Variants in CDH12 observed in about 807,000 individuals in gnomAD.
The protein encoded by CDH12 is cadherin 12.
CDH12 carries 41 observed loss-of-function variants against 74.1 expected under a neutral mutation model. That is an observed-to-expected ratio of 0.55 (90% CI 0.43 to 0.72). The LOEUF is 0.72. Among genes scored for constraint, CDH12 ranks in the 30% least tolerant of loss-of-function variants. CDH12 has a pLI of 0.00. For synonymous variants in CDH12, 399 were observed against 355.0 expected, an observed-to-expected ratio of 1.12 and a Z score of -1.39; for missense variants, 945 against 977.2, an observed-to-expected ratio of 0.97 and a Z score of 0.44.
chr5:22,549,353 T>G (rs1738466082), intron 1 of CDH12, among the ~76,000 whole-genome samples: 1 of 151,992 alleles, frequency 6.6e-6, no homozygotes, highest in African/African-American at 2.4e-5. Context: ...AAGGCAAAAT[T>G]ATCTTTTCCT....
intron 4 of CDH12, among the ~76,000 whole-genome samples, chr5:22,097,975 T>A (rs1743894199): frequency 6.6e-6 from 1 of 152,194 alleles, no homozygotes; most frequent in South Asian, 2.1e-4. Flanking sequence ...TAGTTCAAGA[T>A]CTGTGCCTTA....
At chr5:22,329,735 T>A (rs928842298) in intron 3 of CDH12, among the ~76,000 whole-genome samples, 3 of 152,226 alleles carry the variant, frequency 2.0e-5, no homozygotes, top group African/African-American at 7.2e-5. Context: ...AACTCAGCAG[T>A]GCCCTATCAC....
rs115322662 is a variant in CDH12 at position 22,456,521 on chromosome 5, T to G, written c.-428+48749A>C. ...TCCGCTAAAGGAAATTATGATGTAT[T>G]ATGTGATCTATATCTTAAACAGCAC... is the stretch of plus-strand genomic sequence containing the variant. On this transcript the variant is annotated intron_variant, in intron 2 of 14. Transcript: ENST00000382254. 4.4e-3 allele frequency among the ~76,000 whole-genome samples: 672 copies of G among 152,238 alleles called. 5 individuals carry two copies. Among genetic ancestry groups the G allele is most frequent in the African/African-American group, 0.015 (636 of 41,530 alleles).
In CDH12 at chr5:22,327,138, T is replaced by G. The variant is rs16894228; in HGVS notation, c.-333+78119A>C. Among the ~76,000 whole-genome samples the G allele has an allele frequency of 0.013, 2,019 of 152,146 alleles. 67 individuals are homozygous for G. The East Asian group carries it at 0.14, about 10-fold the overall frequency. The stretch of plus-strand genomic sequence containing the variant: ...AACTTTTTTCTGCTTGACGAGACAT[T>G]TAATACAATACAAATGTCTAATTGG... On this transcript the variant is annotated intron_variant, in intron 3 of 14. Transcript: ENST00000382254.
chr5:22,111,488 A>G (rs1744814325), intron 4 of CDH12, among the ~76,000 whole-genome samples: 2 of 152,172 alleles, frequency 1.3e-5, no homozygotes. Context: ...TTTGCGTTTC[A>G]CTATGCATTT....
At chr5:22,203,757 T>C (rs1368402928) in intron 4 of CDH12, among the ~76,000 whole-genome samples, 1 of 152,224 alleles carries the variant, frequency 6.6e-6, no homozygotes, top group Non-Finnish European at 1.5e-5. Flanking sequence ...CCAGCACTTG[T>C]TACTTTTTGC....
chr5:21,773,704 C>T (rs1416714708), intron 11 of CDH12, among the ~76,000 whole-genome samples: 1 of 152,094 alleles, frequency 6.6e-6, no homozygotes, highest in East Asian at 1.9e-4. Context: ...ATAAACTCCC[C>T]TTCAGATATT....
At chr5:22,080,217 A>C (rs931193620) in intron 4 of CDH12, among the ~76,000 whole-genome samples, 29 of 152,288 alleles carry the variant, frequency 1.9e-4, no homozygotes, top group Non-Finnish European at 2.9e-4. Context: ...TGTTTTTGTC[A>C]ACTAGTCAGC....
At chr5:22,325,978 TTAA>T (rs373565880) in intron 3 of CDH12, among the ~76,000 whole-genome samples, 1 of 152,026 alleles carries the variant, frequency 6.6e-6, no homozygotes. Context: ...ATTCATTGGA[TTAA>T]TGAGTGAAAA....
chr5:21,913,890 C>G (rs1397966550), intron 6 of CDH12, among the ~76,000 whole-genome samples: 1 of 152,046 alleles, frequency 6.6e-6, no homozygotes, highest in Non-Finnish European at 1.5e-5. Flanking sequence ...CACTGTGTTT[C>G]CCAGACTGGT....
At chr5:22,030,712 C>T (rs1054418743) in intron 5 of CDH12, among the ~76,000 whole-genome samples, 5 of 152,212 alleles carry the variant, frequency 3.3e-5, no homozygotes, top group Admixed American at 6.5e-5. Flanking sequence ...TGAAGCCAGG[C>T]ATTGACTTCC....
chr5:22,405,595 A>G (rs536996247), intron 2 of CDH12, among the ~76,000 whole-genome samples: 19 of 152,234 alleles, frequency 1.2e-4, no homozygotes, highest in Non-Finnish European at 2.8e-4. Context: ...TAAGAAAGAG[A>G]AAATGGTAGG....
At chr5:21,832,434 G>A (rs918933049) in intron 8 of CDH12, among the ~76,000 whole-genome samples, 1 of 151,910 alleles carries the variant, frequency 6.6e-6, no homozygotes, top group Non-Finnish European at 1.5e-5. Flanking sequence ...GGAGAATCTG[G>A]AGCACAGTGT....
intron 1 of CDH12, among the ~76,000 whole-genome samples, chr5:22,730,792 T>C (rs1744394518): frequency 1.3e-5 from 2 of 151,948 alleles, no homozygotes; most frequent in Admixed American, 1.3e-4. Context: ...TAAAAGTTCT[T>C]TTTCCTATTA....
intron 9 of CDH12, among the ~76,000 whole-genome samples, chr5:21,807,606 C>T (rs140828789): frequency 6.6e-6 from 1 of 152,252 alleles, no homozygotes; most frequent in Non-Finnish European, 1.5e-5. Context: ...TACCTGGGCT[C>T]TTCCAGGGCT....
chr5:22,492,350 GT>G (rs1554044895), intron 2 of CDH12, among the ~76,000 whole-genome samples: 7 of 148,436 alleles, frequency 4.7e-5, no homozygotes, highest in East Asian at 4.0e-4. Flanking sequence ...TACTAAAAAT[GT>G]TTTTTTTTTT....
intron 4 of CDH12, among the ~76,000 whole-genome samples, chr5:22,122,232 G>A (rs542187149): frequency 5.3e-5 from 8 of 151,978 alleles, no homozygotes; most frequent in Non-Finnish European, 8.8e-5. Context: ...GTGAAACCCC[G>A]TCTCTACTAA....
At chr5:21,763,685 A>G (rs1744849722) in intron 12 of CDH12, among the ~76,000 whole-genome samples, 1 of 152,158 alleles carries the variant, frequency 6.6e-6, no homozygotes, top group South Asian at 2.1e-4. Context: ...CTTTTCATAT[A>G]TCCATGCCTG....
At chr5:22,694,062 C>T (rs1014186333) in intron 1 of CDH12, among the ~76,000 whole-genome samples, 7 of 152,068 alleles carry the variant, frequency 4.6e-5, no homozygotes, top group African/African-American at 7.2e-5. Context: ...GTCTCAGCCT[C>T]CAAAGTAGCT....
Sources: allele counts gnomAD v4.1 joint callset (sites outside exome capture counted in the v4.1 genomes callset), GRCh38; gene constraint gnomAD v4.1.1; transcripts MANE v1.5; gene names NCBI Gene and HGNC (gene_info 2026-07-23, HGNC 2026-07-21).